The following DCT variants were observed in gnomAD, a reference collection of about 807,000 sequenced individuals.
The protein encoded by DCT is dopachrome tautomerase, also known as L-dopachrome tautomerase.
Under a neutral mutation model 53.0 loss-of-function variants are expected in DCT, and 47 were observed. That is an observed-to-expected ratio of 0.89 (90% CI 0.70 to 1.13). The LOEUF is 1.13. Among genes scored for constraint, DCT ranks in the 50% most tolerant of loss-of-function variants. The pLI, the probability that DCT is intolerant of heterozygous loss-of-function variation, is 0.00. For synonymous variants in DCT, 244 were observed against 237.0 expected, an observed-to-expected ratio of 1.03 and a Z score of -0.27; for missense variants, 669 against 637.4, an observed-to-expected ratio of 1.05 and a Z score of -0.53.
chr13:94,455,557 G>A (rs1399214155), intron 6 of DCT, among the ~76,000 whole-genome samples: 1 of 152,138 alleles, frequency 6.6e-6, no homozygotes, highest in Non-Finnish European at 1.5e-5. Flanking sequence ...ACATTCATTT[G>A]TTTATGCATG....
Position 94,476,250 on chromosome 13 carries a change from G to A in DCT, c.295+2711C>T, listed in dbSNP as rs144249549. On this transcript the variant is annotated intron_variant, in intron 1 of 7. Coordinates refer to ENST00000377028, the MANE Select transcript of DCT (RefSeq NM_001922.5). Reference sequence around the variant, plus strand: ...ATCCTAAGTTCCTATTACTTCTAGAGCAATATTTATAAACATTTCCTTACC... The same window carrying A: ...ATCCTAAGTTCCTATTACTTCTAGAACAATATTTATAAACATTTCCTTACC... Among the ~76,000 whole-genome samples the A allele has an allele frequency of 1.9e-3, 254 of 131,392 alleles. 1 individual carries two copies. Among genetic ancestry groups the A allele is most frequent in the African/African-American group, 6.7e-3 (232 of 34,384 alleles). 86.2% of individuals were successfully genotyped at this position (131,392 alleles called of 152,430 possible).
the DCT span, among the ~76,000 whole-genome samples, chr13:94,535,162 T>C: frequency 6.6e-6 from 1 of 152,228 alleles, no homozygotes; most frequent in Non-Finnish European, 1.5e-5. Flanking sequence ...TTTTAGCTTG[T>C]TAATATATAC....
chr13:94,441,755 C>T (rs991085655), intron 7 of DCT, among the ~76,000 whole-genome samples: 1 of 152,216 alleles, frequency 6.6e-6, no homozygotes, highest in Non-Finnish European at 1.5e-5. Context: ...CACTAACAGA[C>T]ACTTGGTTTG....
the DCT span, among the ~76,000 whole-genome samples, chr13:94,532,193 G>A: frequency 1.3e-5 from 2 of 152,206 alleles, no homozygotes; most frequent in Admixed American, 6.5e-5. Context: ...TGGTGAGAGT[G>A]TAAATTAGTT....
chr13:94,461,401 G>GTCTT (rs1883778404), intron 5 of DCT, among the ~76,000 whole-genome samples: 1 of 152,148 alleles, frequency 6.6e-6, no homozygotes, highest in African/African-American at 2.4e-5. Flanking sequence ...TAGAGACAGG[G>GTCTT]TCTTGCTCTG....
the DCT span, among the ~76,000 whole-genome samples, chr13:94,514,705 G>C: frequency 1.2e-4 from 18 of 152,198 alleles, no homozygotes; most frequent in Admixed American, 3.9e-4. Context: ...TATGGCTGCA[G>C]GGCAAGGCGG....
Position 94,465,713 on chromosome 13 carries a change from C to T in DCT, c.783G>A (p.Leu261=), listed in dbSNP as rs746782953. The T allele has an allele frequency of 8.7e-6, 14 of 1,613,490 alleles. No individual in the cohort carries two copies. Among genetic ancestry groups the T allele is most frequent in the East Asian group, 4.5e-5 (2 of 44,760 alleles). The change falls in exon 4 of 8, where the codon CTG becomes CTA. Residue 261 remains leucine, a synonymous_variant. Coordinates refer to ENST00000377028, the MANE Select transcript of DCT (RefSeq NM_001922.5). ...RNECDVCTDQ[L]FGAARPDDPT... ...GATCGTCTGGTCTCGCTGCCCCAAA[C>T]AGCTGGTCTGTACACACATCACACT...
At chr13:94,498,059 G>A in the DCT span, among the ~76,000 whole-genome samples, 3 of 152,210 alleles carry the variant, frequency 2.0e-5, no homozygotes, top group Non-Finnish European at 2.9e-5. Context: ...ACTCAGAATC[G>A]AGGACAACAG....
chr13:94,530,228 A>T, the DCT span, among the ~76,000 whole-genome samples: 1 of 152,232 alleles, frequency 6.6e-6, no homozygotes, highest in African/African-American at 2.4e-5. Flanking sequence ...AGCTGGGACC[A>T]TTCCTTCTGA....
At chr13:94,513,591 AAAC>A in the DCT span, among the ~76,000 whole-genome samples, 1,500 of 152,230 alleles carry the variant, frequency 9.9e-3, 20 homozygotes, top group African/African-American at 0.033. Flanking sequence ...CAGGGAGACA[AAAC>A]AAGCAGGAAG....
At chr13:94,452,276 A>C (rs1443092188) in intron 6 of DCT, among the ~76,000 whole-genome samples, 1 of 152,032 alleles carries the variant, frequency 6.6e-6, no homozygotes, top group African/African-American at 2.4e-5. Context: ...CAGGTAACCC[A>C]CCCACCTCAG....
intron 6 of DCT, among the ~76,000 whole-genome samples, chr13:94,450,581 CA>C (rs147164185): frequency 0.054 from 8,090 of 150,812 alleles, 313 homozygotes; most frequent in Non-Finnish European, 0.082. Context: ...AGCACACATA[CA>C]AAAAAAAATC....
chr13:94,462,171 G>C lies in DCT; in HGVS notation c.882C>G (p.His294Gln), dbSNP rs751862593. 6.2e-7 allele frequency: 1 copy of C among 1,612,744 alleles called. No homozygotes were observed. Among genetic ancestry groups the C allele is most frequent in the East Asian group, 2.2e-5 (1 of 44,872 alleles). The part of the protein sequence containing the change: ...TVCDSLDDYN[H>Q]LVTLCNGTYE... The stretch of plus-strand genomic sequence containing the variant: ...AGGTTCCATTGCACAAGGTGACCAG[G>C]TGGTTGTAGTCATCCAAGCTAAGAT... Residue 294 changes from histidine to glutamine, a missense_variant, in exon 5 of 8, where the codon CAC (histidine) becomes CAG (glutamine). Transcript: ENST00000377028.
At chr13:94,523,772 C>T in the DCT span, among the ~76,000 whole-genome samples, 7 of 152,162 alleles carry the variant, frequency 4.6e-5, no homozygotes, top group African/African-American at 1.4e-4. Context: ...TACACCCCCA[C>T]ATAAGCCCCC....
At chr13:94,447,386 G>C (rs974509763) in intron 6 of DCT, among the ~76,000 whole-genome samples, 3 of 152,194 alleles carry the variant, frequency 2.0e-5, no homozygotes, top group African/African-American at 7.2e-5. Context: ...GTTCATGATA[G>C]GGTTTGCACT....
At chr13:94,470,105 GAGAA>G (rs1052418906) in intron 1 of DCT, among the ~76,000 whole-genome samples, 5 of 151,496 alleles carry the variant, frequency 3.3e-5, no homozygotes, top group Non-Finnish European at 7.4e-5. Context: ...AAGAAAGGAA[GAGAA>G]AGAAAGAGAG....
chr13:94,511,617 C>T, the DCT span, among the ~76,000 whole-genome samples: 543 of 152,218 alleles, frequency 3.6e-3, 6 homozygotes, highest in African/African-American at 0.013. Flanking sequence ...GCCTTGCCCT[C>T]CCAAAGTGCT....
chr13:94,532,170 G>A, the DCT span, among the ~76,000 whole-genome samples: 23 of 152,132 alleles, frequency 1.5e-4, no homozygotes, highest in African/African-American at 2.7e-4. Flanking sequence ...AAATAGGAAC[G>A]CATTTACACT....
intron 1 of DCT, among the ~76,000 whole-genome samples, chr13:94,472,129 A>C (rs914433038): frequency 6.6e-6 from 1 of 152,326 alleles, no homozygotes; most frequent in Admixed American, 6.5e-5. Flanking sequence ...AAACTGAGTC[A>C]TTCATAACTT....
Sources: allele counts gnomAD v4.1 joint callset (sites outside exome capture counted in the v4.1 genomes callset), GRCh38; gene constraint gnomAD v4.1.1; transcripts MANE v1.5; gene names NCBI Gene and HGNC (gene_info 2026-07-23, HGNC 2026-07-21).